Variants in MTMR7 observed in about 807,000 individuals in gnomAD.
MTMR7 encodes myotubularin related protein 7, also known as phosphatidylinositol-3-phosphate phosphatase MTMR7.
MTMR7 carries 76 observed loss-of-function variants against 81.2 expected under a neutral mutation model. The observed-to-expected ratio is 0.94, with a 90% CI of 0.78 to 1.13. MTMR7 has a LOEUF of 1.13. MTMR7 is among the 50% of genes most tolerant of loss of function. MTMR7 has a pLI of 0.00. For synonymous variants in MTMR7, 372 were observed against 289.8 expected, an observed-to-expected ratio of 1.28 and a Z score of -2.88; for missense variants, 1,044 against 820.0, an observed-to-expected ratio of 1.27 and a Z score of -3.34.
intron 6 of MTMR7, among the ~76,000 whole-genome samples, chr8:17,339,414 C>T (rs1198387541): frequency 6.6e-6 from 1 of 152,172 alleles, no homozygotes; most frequent in African/African-American, 2.4e-5. Flanking sequence ...TACCCATTAG[C>T]GGTCACTCAC....
intron 6 of MTMR7, among the ~76,000 whole-genome samples, chr8:17,338,029 C>G (rs1024684615): frequency 3.3e-5 from 5 of 152,208 alleles, no homozygotes; most frequent in African/African-American, 1.2e-4. Flanking sequence ...CCTTCTAGAG[C>G]AAACTCAGTC....
chr8:17,311,557 G>A lies in MTMR7; in HGVS notation c.1055C>T (p.Ala352Val). The A allele has an allele frequency of 1.2e-6, 2 of 1,614,042 alleles. No individual in the cohort carries two copies. The highest frequency in any genetic ancestry group is 2.2e-5 in the South Asian group (2 of 91,066). The change falls in exon 9 of 14, where the codon GCA (alanine) becomes GTA (valine). Residue 352 changes from alanine to valine, a missense_variant. By Grantham distance (64) the Ala-to-Val change is moderately conservative. Coordinates refer to ENST00000180173, the MANE Select transcript of MTMR7 (RefSeq NM_004686.5). ...WDRTAQVCSV[A>V]SLLLDPHYRT... ...GTAGTGAGGGTCCAGCAGCAGGCTT[G>A]CCACCGAGCACACCTGAGCGGTCCT...
chr8:17,301,460 G>T (rs971320913), intron 13 of MTMR7, among the ~76,000 whole-genome samples: 3 of 152,168 alleles, frequency 2.0e-5, no homozygotes, highest in African/African-American at 7.2e-5. Flanking sequence ...GGTCTAAATT[G>T]TATACAAGCA....
chr8:17,307,966 A>AT (rs1817568091), intron 10 of MTMR7, among the ~76,000 whole-genome samples: 1 of 152,172 alleles, frequency 6.6e-6, no homozygotes, highest in African/African-American at 2.4e-5. Flanking sequence ...GCAGCACACC[A>AT]ACATGGCACA....
At chr8:17,338,015 C>A (rs1563344704) in intron 6 of MTMR7, among the ~76,000 whole-genome samples, 1 of 152,190 alleles carries the variant, frequency 6.6e-6, no homozygotes, top group Admixed American at 6.5e-5. Context: ...TGCCAGGGTC[C>A]ACACCTTCTA....
At chr8:17,409,624 C>T (rs745502376) in intron 1 of MTMR7, among the ~76,000 whole-genome samples, 12 of 152,142 alleles carry the variant, frequency 7.9e-5, no homozygotes, top group African/African-American at 1.2e-4. Flanking sequence ...TACAGGACTT[C>T]CATCAAGCAG....
At chr8:17,357,855 AAAGTCCTGTGTATGCCAT>A (rs1197897649) in intron 4 of MTMR7, among the ~76,000 whole-genome samples, 8 of 152,328 alleles carry the variant, frequency 5.3e-5, no homozygotes, top group African/African-American at 1.7e-4. Context: ...GTTATTCTTC[AAAGTCCTGTGTATGCCAT>A]AAGTGTGCCA....
chr8:17,412,911 T>A (rs1370680908), intron 1 of MTMR7, among the ~76,000 whole-genome samples: 1 of 152,084 alleles, frequency 6.6e-6, no homozygotes, highest in Non-Finnish European at 1.5e-5. Flanking sequence ...TTTCAACTAC[T>A]CTGAGCGGCC....
intron 7 of MTMR7, among the ~76,000 whole-genome samples, chr8:17,324,251 C>G (rs922451282): frequency 5.3e-5 from 8 of 152,212 alleles, no homozygotes; most frequent in Admixed American, 2.6e-4. Flanking sequence ...CTCTCAGTAA[C>G]TGTCTGATGA....
chr8:17,388,861 T>C (rs942082403), intron 1 of MTMR7, among the ~76,000 whole-genome samples: 6 of 152,214 alleles, frequency 3.9e-5, no homozygotes, highest in Non-Finnish European at 5.9e-5. Flanking sequence ...CACATTCCCA[T>C]GCCTCACTCC....
rs1053871142 is a variant in MTMR7 at position 17,407,139 on chromosome 8, T to C, written c.24+6130A>G. Reference sequence around the variant, plus strand: ...GTAAATTATACTTCAATAAAGCTATTGAAATACACACACTATACACACACA... The same window carrying C: ...GTAAATTATACTTCAATAAAGCTATCGAAATACACACACTATACACACACA... On this transcript the variant is annotated intron_variant, in intron 1 of 13. Coordinates refer to ENST00000180173, the MANE Select transcript of MTMR7 (RefSeq NM_004686.5). Among the ~76,000 whole-genome samples, 14 of 152,166 alleles carry C rather than the reference T, an allele frequency of 9.2e-5. 1 individual carries two copies. Among genetic ancestry groups the C allele is most frequent in the African/African-American group, 3.1e-4 (13 of 41,548 alleles).
intron 1 of MTMR7, among the ~76,000 whole-genome samples, chr8:17,406,630 C>A (rs1821591779): frequency 1.3e-5 from 2 of 152,110 alleles, no homozygotes; most frequent in South Asian, 4.1e-4. Flanking sequence ...AAATTCTGTT[C>A]TCAGAGAAAT....
chr8:17,378,054 A>C (rs1195197341), intron 1 of MTMR7, among the ~76,000 whole-genome samples: 3 of 152,112 alleles, frequency 2.0e-5, no homozygotes, highest in Non-Finnish European at 4.4e-5. Flanking sequence ...AGCTCAGTGG[A>C]GCAGAATAAG....
rs1563323739 is a variant in MTMR7 at position 17,313,312 on chromosome 8, C to T, written c.955G>A (p.Ala319Thr). The change falls in exon 8 of 14, where the codon GCA becomes ACA. Residue 319 changes from alanine (A) to threonine (T), a missense_variant. Coordinates refer to ENST00000180173, the MANE Select transcript of MTMR7 (RefSeq NM_004686.5). ...WLRHIKAIMD[A>T]GIFIAKAVSE... Reference sequence around the variant, plus strand: ...CATACCTTTGCAATGAAGATTCCTGCATCCATTATGGCTTTAATGTGCCTT... The same window carrying T: ...CATACCTTTGCAATGAAGATTCCTGTATCCATTATGGCTTTAATGTGCCTT... 1 of 1,612,438 alleles carries T rather than the reference C, an allele frequency of 6.2e-7. No individual in the cohort carries two copies.
chr8:17,310,028 T>C (rs1586153513), intron 9 of MTMR7, among the ~76,000 whole-genome samples: 1 of 152,162 alleles, frequency 6.6e-6, no homozygotes, highest in South Asian at 2.1e-4. Context: ...TGAGACAGGA[T>C]CTCACTCAGC....
At chr8:17,370,268 A>C (rs1820376422) in intron 3 of MTMR7, among the ~76,000 whole-genome samples, 1 of 152,032 alleles carries the variant, frequency 6.6e-6, no homozygotes, top group Admixed American at 6.6e-5. Flanking sequence ...TCACTCCTGT[A>C]ATCCGAGCAC....
intron 1 of MTMR7, among the ~76,000 whole-genome samples, chr8:17,396,065 T>C (rs1351492333): frequency 6.6e-6 from 1 of 151,932 alleles, no homozygotes; most frequent in Non-Finnish European, 1.5e-5. Context: ...AAATATTCAA[T>C]GTTAAATAAT....
chr8:17,378,583 AC>A (rs1027740657), intron 1 of MTMR7, among the ~76,000 whole-genome samples: 1 of 152,218 alleles, frequency 6.6e-6, no homozygotes, highest in African/African-American at 2.4e-5. Context: ...GCTTCTCAAA[AC>A]AAAATTGTTG....
chr8:17,302,549 G>C (rs1210363456), intron 12 of MTMR7: 2 of 313,966 alleles, frequency 6.4e-6, no homozygotes, highest in African/African-American at 2.1e-5. Flanking sequence ...AATTAAAATA[G>C]TACATGTAAC....
Sources: allele counts gnomAD v4.1 joint callset (sites outside exome capture counted in the v4.1 genomes callset), GRCh38; gene constraint gnomAD v4.1.1; transcripts MANE v1.5; gene names NCBI Gene and HGNC (gene_info 2026-07-23, HGNC 2026-07-21).